Variants in CEP128 observed in about 807,000 individuals in gnomAD.
The protein encoded by CEP128 is centrosomal protein 128kDa.
A neutral mutation model predicts 156.7 loss-of-function variants in CEP128; 132 were observed. The observed-to-expected ratio is 0.84, with a 90% CI of 0.73 to 0.97. The LOEUF (loss-of-function observed/expected upper bound fraction) is 0.97, where lower values mean the gene tolerates loss of function less well. Among genes scored for constraint, CEP128 ranks in the 50% least tolerant of loss-of-function variants. CEP128 has a pLI of 0.00. For missense variants in CEP128, 1,252 were observed against 1,281.9 expected (o/e 0.98, Z 0.36); for synonymous variants, 469 against 448.9 (o/e 1.04, Z -0.57).
downstream of CEP128, among the ~76,000 whole-genome samples, chr14:80,490,072 C>T (rs1219635701): frequency 6.6e-6 from 1 of 151,960 alleles, no homozygotes; most frequent in Admixed American, 6.6e-5. Flanking sequence ...GGGGGAGGGG[C>T]ATCAACTTGA....
At chr14:80,868,362 T>C (rs1463551323) in intron 8 of CEP128, among the ~76,000 whole-genome samples, 1 of 152,120 alleles carries the variant, frequency 6.6e-6, no homozygotes, top group Non-Finnish European at 1.5e-5. Flanking sequence ...AACTGTAACA[T>C]CAATAATGTA....
intron 19 of CEP128, among the ~76,000 whole-genome samples, chr14:80,719,961 G>A (rs1897753111): frequency 6.6e-6 from 1 of 152,130 alleles, no homozygotes; most frequent in South Asian, 2.1e-4. Context: ...ATAGTGCTGT[G>A]AAGTAAATTA....
rs1440901655 is a variant in CEP128, at chr14:80,836,259, T to G, written c.1003A>C (p.Lys335Gln). Reference protein sequence around the residue: ...GLQHQVSQISKQQSNYQDEQG... With the variant: ...GLQHQVSQISQQQSNYQDEQG... ...TCATCCTGATAGTTTGACTGTTGCT[T>G]GGAAATCTGAGATACTTGATGCTGT... Residue 335 changes from lysine to glutamine, a missense_variant, in exon 12 of 25, where the codon AAG (lysine) becomes CAG (glutamine). Physicochemically the swap from Lys to Gln is moderately conservative, Grantham distance 53. Coordinates refer to ENST00000555265, the MANE Select transcript of CEP128 (RefSeq NM_152446.5). 1.2e-6 allele frequency: 2 copies of G among 1,614,074 alleles called. No homozygotes were observed.
chr14:80,812,409 A>C (rs1884609475), intron 13 of CEP128, among the ~76,000 whole-genome samples: 2 of 152,226 alleles, frequency 1.3e-5, no homozygotes, highest in South Asian at 4.1e-4. Flanking sequence ...TATTCCTTTC[A>C]GTATATACCC....
At chr14:80,522,376 C>T (rs1888784984) in intron 23 of CEP128, among the ~76,000 whole-genome samples, 1 of 152,210 alleles carries the variant, frequency 6.6e-6, no homozygotes, top group East Asian at 1.9e-4. Context: ...CACATGCTTA[C>T]ATTGAACAAA....
chr14:80,541,419 A>G (rs1889749863), intron 21 of CEP128, among the ~76,000 whole-genome samples: 1 of 147,598 alleles, frequency 6.8e-6, no homozygotes, highest in African/African-American at 2.5e-5. Flanking sequence ...CTTCTATGGC[A>G]GAAAGTGAAG....
At chr14:80,878,730 C>T (rs979221047) in intron 8 of CEP128, among the ~76,000 whole-genome samples, 13 of 152,292 alleles carry the variant, frequency 8.5e-5, no homozygotes, top group Admixed American at 3.9e-4. Context: ...CCAGGTTGTC[C>T]CTTAGAGCAA....
At chr14:80,716,369 T>G (rs1252056756) in intron 19 of CEP128, among the ~76,000 whole-genome samples, 1 of 152,200 alleles carries the variant, frequency 6.6e-6, no homozygotes, top group Non-Finnish European at 1.5e-5. Flanking sequence ...TCACGTTGAC[T>G]CTCGTAGTCA....
At chr14:80,585,769 C>T (rs1891793805) in intron 19 of CEP128, among the ~76,000 whole-genome samples, 1 of 152,134 alleles carries the variant, frequency 6.6e-6, no homozygotes, top group Non-Finnish European at 1.5e-5. Flanking sequence ...TTACCAAACA[C>T]AATAGATAAT....
intron 13 of CEP128, among the ~76,000 whole-genome samples, chr14:80,796,184 C>A (rs935794228): frequency 2.0e-5 from 3 of 152,108 alleles, no homozygotes; most frequent in Admixed American, 6.5e-5. Context: ...TCACCTACAG[C>A]CAAATACAAT....
In CEP128 at chr14:80,580,730, T is replaced by G. The variant is rs983680667; in HGVS notation, c.2807-307A>C. 2.6e-5 allele frequency among the ~76,000 whole-genome samples: 4 copies of G among 152,296 alleles called. 1 individual carries two copies. Among genetic ancestry groups the G allele is most frequent in the African/African-American group, 7.2e-5 (3 of 41,562 alleles). ...TAATCATACCAATATTTTAAGAATTTGGTCTCATGCTTATATAACTCAATG... is the reference window on the plus strand; with the variant it reads ...TAATCATACCAATATTTTAAGAATTGGGTCTCATGCTTATATAACTCAATG... On this transcript the variant is annotated intron_variant, in intron 19 of 24. Transcript: ENST00000555265.
chr14:80,722,814 T>G (rs1320785018), intron 19 of CEP128, among the ~76,000 whole-genome samples: 1 of 141,324 alleles, frequency 7.1e-6, no homozygotes, highest in African/African-American at 2.7e-5. Context: ...CAGAGGTTAC[T>G]CTTTATCTTT....
chr14:80,512,822 A>G (rs1309495135), intron 23 of CEP128, among the ~76,000 whole-genome samples: 2 of 152,096 alleles, frequency 1.3e-5, no homozygotes, highest in African/African-American at 4.8e-5. Context: ...CTTCAAGAAC[A>G]AGCAAACTAA....
At chr14:80,849,874 G>C (rs571947049) in intron 9 of CEP128, among the ~76,000 whole-genome samples, 46 of 152,206 alleles carry the variant, frequency 3.0e-4, no homozygotes, top group Non-Finnish European at 3.2e-4. Flanking sequence ...TTAGGAGAAA[G>C]AGGTTTAGGT....
rs551882338 is a variant in CEP128, at chr14:80,561,378, C to G, written c.2857-2076G>C. Among the ~76,000 whole-genome samples the G allele has an allele frequency of 3.9e-5, 6 of 152,228 alleles. No homozygotes were observed. In the East Asian group the frequency reaches 1.2e-3, roughly 29 times the overall value. On this transcript the variant is annotated intron_variant, in intron 20 of 24. Transcript: ENST00000555265. ...ACATTTGAGCACTTCATAATAAATG[C>G]GTATGATGCCTCAAGGGGGCTTTGA...
chr14:80,552,233 C>A (rs150047273), intron 21 of CEP128, among the ~76,000 whole-genome samples: 6 of 151,426 alleles, frequency 4.0e-5, no homozygotes, highest in African/African-American at 1.2e-4. Context: ...TGCTTGAATG[C>A]GGGAGATGGA....
At chr14:80,649,490 C>G (rs1894803421) in intron 19 of CEP128, among the ~76,000 whole-genome samples, 1 of 151,996 alleles carries the variant, frequency 6.6e-6, no homozygotes, top group African/African-American at 2.4e-5. Context: ...GGACAAAAAG[C>G]AGGAGTCCCT....
chr14:80,693,722 A>G (rs1595230624), intron 19 of CEP128, among the ~76,000 whole-genome samples: 3 of 152,198 alleles, frequency 2.0e-5, no homozygotes, highest in South Asian at 2.1e-4. Context: ...AAGTGTATCT[A>G]TAAGTCAGTT....
At chr14:80,871,553 A>G (rs1156664990) in intron 8 of CEP128, among the ~76,000 whole-genome samples, 1 of 152,136 alleles carries the variant, frequency 6.6e-6, no homozygotes, top group African/African-American at 2.4e-5. Context: ...ACCCTAAATG[A>G]AGGTTGTGGA....
Sources: allele counts gnomAD v4.1 joint callset (sites outside exome capture counted in the v4.1 genomes callset), GRCh38; gene constraint gnomAD v4.1.1; transcripts MANE v1.5; gene names NCBI Gene and HGNC (gene_info 2026-07-23, HGNC 2026-07-21).